Variants in ELAPOR1 observed in about 807,000 individuals in gnomAD.
ELAPOR1 encodes endosome-lysosome associated apoptosis and autophagy regulator 1.
Under a neutral mutation model 119.7 loss-of-function variants are expected in ELAPOR1, and 77 were observed. The ratio of observed to expected loss-of-function variants is 0.64; its 90% CI spans 0.54 to 0.78. The LOEUF is 0.78. Ranked by LOEUF, ELAPOR1 falls within the 30% of genes least tolerant of loss-of-function variation. The probability of loss-of-function intolerance (pLI) is 0.00; values close to 1 mark genes in which losing one functional copy is unlikely to be tolerated. For missense variants in ELAPOR1, 1,115 were observed against 1,270.4 expected (o/e 0.88, Z 1.86); for synonymous variants, 481 against 487.2 (o/e 0.99, Z 0.17).
At chr1:109,170,689 T>G (rs1651867695) in intron 3 of ELAPOR1, among the ~76,000 whole-genome samples, 1 of 151,926 alleles carries the variant, frequency 6.6e-6, no homozygotes, top group Admixed American at 6.6e-5. Flanking sequence ...GTCCCAGGGG[T>G]TTTAATTTGA....
chr1:109,170,205 T>C (rs1023063405), intron 3 of ELAPOR1, among the ~76,000 whole-genome samples: 1 of 152,146 alleles, frequency 6.6e-6, no homozygotes, highest in Non-Finnish European at 1.5e-5. Flanking sequence ...AAACACCAGA[T>C]TCAGGAAATT....
chr1:109,189,474 T>C (rs1653289902), intron 10 of ELAPOR1, 118 bp from the exon 11 acceptor site: 1 of 924,222 alleles, frequency 1.1e-6, no homozygotes, highest in African/African-American at 1.6e-5. Context: ...TCATGTTCAG[T>C]GGTGGTTCTG....
intron 1 of ELAPOR1, among the ~76,000 whole-genome samples, chr1:109,144,061 A>ATATATATATATATATATATATATT: frequency 1.1e-5 from 1 of 89,018 alleles, no homozygotes; most frequent in African/African-American, 4.8e-5. Flanking sequence ...ATATTTATAT[A>ATATATATATATATATATATATATT]TTTTTTTTTT....
At chr1:109,155,256 A>C (rs1271939105) in intron 1 of ELAPOR1, among the ~76,000 whole-genome samples, 1 of 152,056 alleles carries the variant, frequency 6.6e-6, no homozygotes, top group Non-Finnish European at 1.5e-5. Context: ...GCTCACTGCA[A>C]GCTCCGCCTC....
chr1:109,196,831 C>A (rs527717403), intron 15 of ELAPOR1, among the ~76,000 whole-genome samples: 10 of 152,034 alleles, frequency 6.6e-5, no homozygotes, highest in Non-Finnish European at 5.9e-5. Context: ...TACAGGCATG[C>A]GCCAGCACGT....
rs1248516796 is a variant in ELAPOR1 at position 109,114,221 on chromosome 1, G to C, written c.38G>C (p.Arg13Thr). The change falls in exon 1 of 22, where the codon AGA becomes ACA. Residue 13 changes from arginine to threonine, a missense_variant. By Grantham distance (71) the Arg-to-Thr change is moderately conservative. Coordinates refer to ENST00000369939, the MANE Select transcript of ELAPOR1 (RefSeq NM_020775.5). ...GGGCACAGCCACCATCTCTCCGCCAGAGTCAGGGGAAGAACTGAGAGGCGC... is the reference window on the plus strand; with the variant it reads ...GGGCACAGCCACCATCTCTCCGCCACAGTCAGGGGAAGAACTGAGAGGCGC... ...EPGHSHHLSA[R>T]VRGRTERRIP... 1 of 1,605,182 alleles carries C rather than the reference G, an allele frequency of 6.2e-7. No individual in the cohort carries two copies. The highest frequency in any genetic ancestry group is 1.7e-5 in the Admixed American group (1 of 58,932).
chr1:109,190,278 C>T (rs1292807444), intron 11 of ELAPOR1, among the ~76,000 whole-genome samples: 1 of 152,180 alleles, frequency 6.6e-6, no homozygotes, highest in Non-Finnish European at 1.5e-5. Context: ...GCTTCGGGCC[C>T]CTCATCCATA....
intron 8 of ELAPOR1, among the ~76,000 whole-genome samples, chr1:109,185,516 G>A (rs1652992583): frequency 6.6e-6 from 1 of 152,184 alleles, no homozygotes; most frequent in Admixed American, 6.5e-5. Context: ...CTGGCACGGG[G>A]AATGGATTCC....
intron 21 of ELAPOR1, among the ~76,000 whole-genome samples, chr1:109,202,076 G>A (rs898535973): frequency 7.2e-5 from 11 of 152,128 alleles, no homozygotes; most frequent in African/African-American, 2.4e-4. Context: ...CTCCAGCCTG[G>A]GCAACAGAGC....
intron 1 of ELAPOR1, among the ~76,000 whole-genome samples, chr1:109,131,651 AAAT>A (rs1345929474): frequency 5.3e-5 from 8 of 152,184 alleles, no homozygotes; most frequent in Non-Finnish European, 1.5e-5. Context: ...AATAGTCTGT[AAAT>A]ATAATGCACG....
At chr1:109,134,765 G>A (rs1444415654) in intron 1 of ELAPOR1, among the ~76,000 whole-genome samples, 1 of 152,174 alleles carries the variant, frequency 6.6e-6, no homozygotes, top group Non-Finnish European at 1.5e-5. Context: ...TTATCCTAGA[G>A]AGGACAGCTA....
In ELAPOR1 at chr1:109,192,741, G is replaced by A; in HGVS notation, c.1814G>A (p.Cys605Tyr). The A allele has an allele frequency of 6.2e-7, 1 of 1,614,032 alleles. No individual in the cohort carries two copies. Among genetic ancestry groups the A allele is most frequent in the Non-Finnish European group, 8.5e-7 (1 of 1,180,026 alleles). ...GATGTGGGCTCCTCCTGCACCTCTT[G>A]TCCTGCTGGTTACTATATTGACCGA... is the stretch of plus-strand genomic sequence containing the variant. ...ASDVGSSCTS[C>Y]PAGYYIDRDS... Residue 605 changes from cysteine to tyrosine, a missense_variant, in exon 14 of 22, where the codon TGT becomes TAT. By Grantham distance (194) the Cys-to-Tyr change is radical. Coordinates refer to ENST00000369939, the MANE Select transcript of ELAPOR1 (RefSeq NM_020775.5).
chr1:109,198,712 TC>T, intron 18 of ELAPOR1, 38 bp downstream of exon 18: 1 of 1,527,316 alleles, frequency 6.5e-7, no homozygotes, highest in Non-Finnish European at 9.0e-7. Context: ...GGCCAAAATC[TC>T]CCTTGAAGTC....
chr1:109,200,758 T>C lies in ELAPOR1; in HGVS notation c.2831T>C (p.Leu944Pro). 2 of 1,614,094 alleles carry C rather than the reference T, an allele frequency of 1.2e-6. No homozygotes were observed. The highest frequency in any genetic ancestry group is 2.2e-5 in the East Asian group (1 of 44,882). Residue 944 changes from leucine (L) to proline (P), a missense_variant, in exon 21 of 22, where the codon CTG (leucine) becomes CCG (proline). Coordinates refer to ENST00000369939, the MANE Select transcript of ELAPOR1 (RefSeq NM_020775.5). ...NQKLEYKYSK[L>P]VMNATLKDCD... is the part of the protein sequence containing the mutation. ...AGACTAGAGTACAAGTACTCCAAGC[T>C]GGTGATGAATGCTACTCTCAAGGAC...
chr1:109,135,732 T>A (rs1468817052), intron 1 of ELAPOR1, among the ~76,000 whole-genome samples: 3 of 152,166 alleles, frequency 2.0e-5, no homozygotes, highest in African/African-American at 7.2e-5. Context: ...ACTGGGGGCA[T>A]ATGACTGAAT....
intron 3 of ELAPOR1, among the ~76,000 whole-genome samples, chr1:109,170,166 A>T (rs1266830079): frequency 1.3e-5 from 2 of 152,200 alleles, no homozygotes; most frequent in East Asian, 3.9e-4. Context: ...TTAGAGATAC[A>T]TACATGTAGA....
Position 109,167,715 on chromosome 1 carries a change from T to C in ELAPOR1, c.467+3024T>C, listed in dbSNP as rs183720291. ...CCTCAACCTCCCCGGGCTGAAGCCATCTTCCCACCTCAACCTCCCGCGTAG... is the reference window on the plus strand; with the variant it reads ...CCTCAACCTCCCCGGGCTGAAGCCACCTTCCCACCTCAACCTCCCGCGTAG... On this transcript the variant is annotated intron_variant, in intron 3 of 21. Coordinates refer to ENST00000369939, the MANE Select transcript of ELAPOR1 (RefSeq NM_020775.5). Among the ~76,000 whole-genome samples the C allele has an allele frequency of 2.8e-3, 422 of 152,262 alleles. 1 individual carries two copies. The highest frequency in any genetic ancestry group is 9.2e-3 in the African/African-American group (381 of 41,554).
intron 1 of ELAPOR1, among the ~76,000 whole-genome samples, chr1:109,156,043 G>C (rs1309144281): frequency 6.6e-6 from 1 of 152,142 alleles, no homozygotes; most frequent in Non-Finnish European, 1.5e-5. Flanking sequence ...TACTCAAGAG[G>C]CTGAGGAGGG....
intron 21 of ELAPOR1, among the ~76,000 whole-genome samples, chr1:109,202,159 CTGGAG>C (rs1273840291): frequency 2.6e-5 from 4 of 152,158 alleles, no homozygotes; most frequent in Non-Finnish European, 5.9e-5. Flanking sequence ...GTCTCCCAGG[CTGGAG>C]TGCAGTGGCA....
Sources: gnomAD v4.1 joint callset for allele counts (sites outside exome capture counted in the v4.1 genomes callset) on GRCh38, gnomAD v4.1.1 for gene constraint, MANE v1.5 for transcripts, NCBI Gene and HGNC (gene_info 2026-07-23, HGNC 2026-07-21) for gene names.